The following SLC7A8 variants were observed in gnomAD, a reference collection of about 807,000 sequenced individuals.
The protein encoded by SLC7A8 is large neutral amino acids transporter small subunit 2.
A neutral mutation model predicts 51.2 loss-of-function variants in SLC7A8; 30 were observed. That is an observed-to-expected ratio of 0.59 (90% CI 0.44 to 0.80). The LOEUF (loss-of-function observed/expected upper bound fraction) is 0.80. SLC7A8 is among the 30% of genes least tolerant of loss of function. The probability of loss-of-function intolerance (pLI) is 0.00; values close to 1 mark genes in which losing one functional copy is unlikely to be tolerated. For synonymous variants in SLC7A8, 257 were observed against 275.8 expected, an observed-to-expected ratio of 0.93 and a Z score of 0.67; for missense variants, 612 against 674.4, an observed-to-expected ratio of 0.91 and a Z score of 1.03.
At chr14:23,144,211 T>C (rs2048769778) in intron 3 of SLC7A8, among the ~76,000 whole-genome samples, 1 of 152,190 alleles carries the variant, frequency 6.6e-6, no homozygotes. Context: ...AGAGTAAATG[T>C]GTTTAACTTT....
At chr14:23,129,952 A>G in intron 8 of SLC7A8, 153 bp from the exon 9 acceptor site, 1 of 728,212 alleles carries the variant, frequency 1.4e-6, no homozygotes, top group Non-Finnish European at 2.2e-6. Flanking sequence ...TAGTAACCCA[A>G]TATGTTACAA....
intron 7 of SLC7A8, among the ~76,000 whole-genome samples, chr14:23,136,831 G>A (rs1808989579): frequency 6.6e-6 from 1 of 152,226 alleles, no homozygotes; most frequent in African/African-American, 2.4e-5. Flanking sequence ...CCACCGCTTG[G>A]CCTCGGCGGG....
chr14:23,128,095 G>C lies in SLC7A8; in HGVS notation c.1365C>G (p.Ile455Met), dbSNP rs776041577. The C allele has an allele frequency of 3.7e-6, 6 of 1,614,188 alleles. No homozygotes were observed. In the South Asian group the frequency reaches 6.6e-5, roughly 18 times the overall value. Residue 455 changes from isoleucine to methionine, a missense_variant, in exon 10 of 11, where the codon ATC (isoleucine) becomes ATG (methionine). Transcript: ENST00000316902. The surrounding 1 kb of genome is among the most constrained non-coding windows in gnomAD (Gnocchi z 4.3). ...AATAGACAGGCACTCCTGTCAGCAT[G>C]ATGGCCAGGCCAATGCCACACACCA... is the stretch of plus-strand genomic sequence containing the variant. ...EPVVCGIGLA[I>M]MLTGVPVYFL...
At chr14:23,175,580 C>G (rs928763577) in intron 1 of SLC7A8, among the ~76,000 whole-genome samples, 1 of 152,184 alleles carries the variant, frequency 6.6e-6, no homozygotes, top group African/African-American at 2.4e-5. Flanking sequence ...AGTTTCTTAC[C>G]TGCCGGGTTC....
At chr14:23,137,428 G>A (rs754781613) in intron 7 of SLC7A8, among the ~76,000 whole-genome samples, 1 of 152,192 alleles carries the variant, frequency 6.6e-6, no homozygotes, top group Non-Finnish European at 1.5e-5. Context: ...GGCAATCAGG[G>A]TGAAGCCATC....
Position 23,128,031 on chromosome 14 carries a change from T to TA in SLC7A8, c.1428_1429insT (p.Ser477Ter). On this transcript the variant is annotated frameshift_variant, in exon 10 of 11. Coordinates refer to ENST00000316902, the MANE Select transcript of SLC7A8 (RefSeq NM_012244.4). LOFTEE classifies it low-confidence loss of function (END_TRUNC). The surrounding 1 kb of genome is among the most constrained non-coding windows in gnomAD (Gnocchi z 4.3). The stretch of plus-strand genomic sequence containing the variant: ...TCCAACAACTCACCAATGAAGTCAC[T>TA]GAAACACTTGGGCTTGTGTTGCCAG... 1 of 1,613,884 alleles carries TA rather than the reference T, an allele frequency of 6.2e-7. No individual in the cohort carries two copies. The highest frequency in any genetic ancestry group is 8.5e-7 in the Non-Finnish European group (1 of 1,179,846).
intron 1 of SLC7A8, among the ~76,000 whole-genome samples, chr14:23,167,353 A>G (rs1032096961): frequency 2.6e-5 from 4 of 152,180 alleles, no homozygotes; most frequent in African/African-American, 7.2e-5. Context: ...TCTCTATTTT[A>G]CAAACTAAGA....
At chr14:23,152,046 C>CAAAACA (rs2048851963) in intron 3 of SLC7A8, among the ~76,000 whole-genome samples, 1 of 151,736 alleles carries the variant, frequency 6.6e-6, no homozygotes, top group East Asian at 1.9e-4. Context: ...TCAAACAAAA[C>CAAAACA]AAAACAAAAA....
At chr14:23,138,610 G>A (rs1415411095) in intron 6 of SLC7A8, among the ~76,000 whole-genome samples, 8 of 152,318 alleles carry the variant, frequency 5.3e-5, no homozygotes, top group Non-Finnish European at 1.2e-4. Flanking sequence ...TGAGTTGGGG[G>A]TAAAATAATA....
In SLC7A8 at chr14:23,140,625, C is replaced by T; in HGVS notation, c.635-1G>A. ...TTTGGCTCCAGCCAGAAGTACTCTC[C>T]TGTGGACACAAGCAACAGGAGGCCG... is the stretch of plus-strand genomic sequence containing the variant. On this transcript the variant is annotated splice_acceptor_variant, in intron 4 of 10. Transcript: ENST00000316902. LOFTEE classifies it high-confidence loss of function. The T allele has an allele frequency of 6.8e-6, 11 of 1,610,778 alleles. No homozygotes were observed. Among genetic ancestry groups the T allele is most frequent in the Non-Finnish European group, 9.3e-6 (11 of 1,177,354 alleles).
Position 23,165,264 on chromosome 14 carries a change from C to G in SLC7A8, c.508+21G>C, listed in dbSNP as rs1438963341. 2 of 1,599,644 alleles carry G rather than the reference C, an allele frequency of 1.3e-6. No individual in the cohort carries two copies. The highest frequency in any genetic ancestry group is 2.7e-5 in the African/African-American group (2 of 73,974). ...ATAATAAAAGAGGCTGTCTTGCTAC[C>G]AAGACCCAGATGACACTTACATAAG... On this transcript the variant is annotated intron_variant, in intron 3 of 10. Transcript: ENST00000316902. The surrounding 1 kb of genome is among the most constrained non-coding windows in gnomAD (Gnocchi z 4.2).
In SLC7A8 at chr14:23,128,109, T is replaced by G. The variant is rs761086444; in HGVS notation, c.1351A>C (p.Ile451Leu). The change falls in exon 10 of 11, where the codon ATT (isoleucine) becomes CTT (leucine). Residue 451 changes from isoleucine to leucine, a missense_variant. Ile to Leu is a conservative substitution (Grantham distance 5). Transcript: ENST00000316902. The surrounding 1 kb of genome is among the most constrained non-coding windows in gnomAD (Gnocchi z 4.3). The part of the protein sequence containing the change: ...SLWSEPVVCG[I>L]GLAIMLTGVP... ...CCTGTCAGCATGATGGCCAGGCCAA[T>G]GCCACACACCACCGGCTCTGACCAC... 6.2e-7 allele frequency: 1 copy of G among 1,614,000 alleles called. No individual in the cohort carries two copies. Among genetic ancestry groups the G allele is most frequent in the African/African-American group, 1.3e-5 (1 of 74,900 alleles).
chr14:23,180,330 T>C (rs1293969225), intron 1 of SLC7A8, among the ~76,000 whole-genome samples: 1 of 152,196 alleles, frequency 6.6e-6, no homozygotes, highest in East Asian at 1.9e-4. Flanking sequence ...TGAATCACGA[T>C]CATCCACTGA....
intron 3 of SLC7A8, among the ~76,000 whole-genome samples, chr14:23,158,608 T>C (rs2048906173): frequency 6.6e-6 from 1 of 152,240 alleles, no homozygotes; most frequent in Non-Finnish European, 1.5e-5. Context: ...CCTCCCAAAG[T>C]GCTGGGATTA....
At chr14:23,162,545 GT>G (rs2140332988) in intron 3 of SLC7A8, among the ~76,000 whole-genome samples, 1 of 152,282 alleles carries the variant, frequency 6.6e-6, no homozygotes, top group South Asian at 2.1e-4. Context: ...GAGGAGGGGG[GT>G]CTTGTCATTT....
chr14:23,127,250 T>G lies in SLC7A8; in HGVS notation c.1535A>C (p.Glu512Ala). 6.2e-7 allele frequency: 1 copy of G among 1,614,058 alleles called. No individual in the cohort carries two copies. Among genetic ancestry groups the G allele is most frequent in the Non-Finnish European group, 8.5e-7 (1 of 1,179,966 alleles). The change falls in exon 11 of 11, where the codon GAG becomes GCG. Residue 512 changes from glutamate to alanine, a missense_variant. Glu to Ala is a moderately radical substitution (Grantham distance 107). Transcript: ENST00000316902. ...TTGGTACATGGGCTGCTGCTGCTCCTCCATGTCCTCATTAGCCTCCTCTGT... is the reference window on the plus strand; with the variant it reads ...TTGGTACATGGGCTGCTGCTGCTCCGCCATGTCCTCATTAGCCTCCTCTGT... ...SGTEEANEDM[E>A]EQQQPMYQPT...
At chr14:23,170,762 T>C (rs2048971749) in intron 1 of SLC7A8, among the ~76,000 whole-genome samples, 1 of 151,236 alleles carries the variant, frequency 6.6e-6, no homozygotes, top group Non-Finnish European at 1.5e-5. Flanking sequence ...TCACCACTCT[T>C]TCACCCAAGC....
rs1002927109 is a variant in SLC7A8, at chr14:23,140,455, G to A, written c.788+16C>T. 1.9e-6 allele frequency: 3 copies of A among 1,589,974 alleles called. No homozygotes were observed. Among genetic ancestry groups the A allele is most frequent in the Middle Eastern group, 1.7e-4 (1 of 5,970 alleles). On this transcript the variant is annotated intron_variant, in intron 5 of 10. Transcript: ENST00000316902. ...CCCTTCAAGGGAGAGGGAATAGCCAGGCTCTTTCAACTCACTTGTAGGGAT... is the reference window on the plus strand; with the variant it reads ...CCCTTCAAGGGAGAGGGAATAGCCAAGCTCTTTCAACTCACTTGTAGGGAT...
chr14:23,175,953 C>G (rs947582411), intron 1 of SLC7A8, among the ~76,000 whole-genome samples: 1 of 152,178 alleles, frequency 6.6e-6, no homozygotes, highest in Non-Finnish European at 1.5e-5. Context: ...TTTGAAATAC[C>G]TCCTAGCTGG....
Sources: allele counts gnomAD v4.1 joint callset (sites outside exome capture counted in the v4.1 genomes callset), GRCh38; gene constraint gnomAD v4.1.1; non-coding constraint Gnocchi (gnomAD v3.1); transcripts MANE v1.5; gene names NCBI Gene and HGNC (gene_info 2026-07-23, HGNC 2026-07-21).